RECQL4: variants seen among roughly 807,000 people sequenced by gnomAD.
RECQL4 encodes the protein RecQ like helicase 4, also known as ATP-dependent DNA helicase Q4.
RECQL4 carries 158 observed loss-of-function variants against 128.6 expected under a neutral mutation model. That is an observed-to-expected ratio of 1.23 (90% confidence interval 1.08 to 1.40). The LOEUF is 1.40. Among genes scored for constraint, RECQL4 ranks in the 40% most tolerant of loss-of-function variants. RECQL4 has a pLI of 0.00. For synonymous variants in RECQL4, 996 were observed against 678.9 expected, an observed-to-expected ratio of 1.47 and a Z score of -7.26; for missense variants, 2,293 against 1,649.8, an observed-to-expected ratio of 1.39 and a Z score of -6.75.
At position 144,514,274 on chromosome 8, in the gene RECQL4, G is replaced by A. The variant is rs1010524385; in HGVS notation, c.1793C>T (p.Pro598Leu). Residue 598 changes from proline to leucine, a missense_variant, in exon 11 of 21, where the codon CCA (proline) becomes CTA (leucine). Pro to Leu is a moderately conservative substitution (Grantham distance 98). Transcript: ENST00000617875. ...GGLPPAAQLP[P>L]VAFACIDEAH... ...CTCATCAATGCAGGCAAAAGCAACT[G>A]GAGGCAGCTGTGCGGCTGGAGGGAG... 7 of 1,612,028 alleles carry A rather than the reference G, an allele frequency of 4.3e-6. No individual in the cohort carries two copies. Among genetic ancestry groups the A allele is most frequent in the African/African-American group, 1.3e-5 (1 of 75,010 alleles).
Position 144,516,536 on chromosome 8 carries a change from G to A in RECQL4, c.583C>T (p.His195Tyr). Residue 195 changes from histidine to tyrosine, a missense_variant, in exon 5 of 21, where the codon CAC (histidine) becomes TAC (tyrosine). Coordinates refer to ENST00000617875, the MANE Select transcript of RECQL4 (RefSeq NM_004260.4). ...CCCAGAAAATCTGGGACCTCACTGTGACATCGCTGTAACCAGCCAGGATCT... is the reference window on the plus strand; with the variant it reads ...CCCAGAAAATCTGGGACCTCACTGTAACATCGCTGTAACCAGCCAGGATCT... ...SLDPGWLQRCHSEVPDFLGAP... is the reference protein window; with the variant it reads ...SLDPGWLQRCYSEVPDFLGAP... 1 of 1,610,056 alleles carries A rather than the reference G, an allele frequency of 6.2e-7. No individual in the cohort carries two copies. The highest frequency in any genetic ancestry group is 2.2e-5 in the East Asian group (1 of 44,846).
At chr8:144,512,800 C>T (rs762380845) in intron 15 of RECQL4, 29 bp from the exon 16 acceptor site, 50 of 1,610,090 alleles carry the variant, frequency 3.1e-5, no homozygotes, top group South Asian at 1.8e-4. Flanking sequence ...TCAGCGGACG[C>T]GGGGACAGCC....
chr8:144,517,126 G>A lies in RECQL4; in HGVS notation c.278C>T (p.Thr93Met), dbSNP rs754149435. The part of the protein sequence containing the change: ...NRAATKSPQS[T>M]PGRSRQGSVP... Reference sequence around the variant, plus strand: ...CGAGCCCTGGCGGCTCCGCCCTGGCGTAGACTGTGGACTCTTGGTCGCAGC... The same window carrying A: ...CGAGCCCTGGCGGCTCCGCCCTGGCATAGACTGTGGACTCTTGGTCGCAGC... Residue 93 changes from threonine (T) to methionine (M), a missense_variant, in exon 4 of 21, where the codon ACG becomes ATG. Transcript: ENST00000617875. The A allele has an allele frequency of 8.7e-6, 14 of 1,612,054 alleles. No homozygotes were observed. The highest frequency in any genetic ancestry group is 5.0e-5 in the Admixed American group (3 of 59,948).
chr8:144,517,409 G>T lies in RECQL4; in HGVS notation c.213+5C>A, dbSNP rs1471343913. 6.4e-7 allele frequency: 1 copy of T among 1,566,594 alleles called. No homozygotes were observed. The highest frequency in any genetic ancestry group is 1.8e-5 in the Admixed American group (1 of 54,556). On this transcript the variant is annotated splice_donor_5th_base_variant and intron_variant, in intron 3 of 20. Coordinates refer to ENST00000617875, the MANE Select transcript of RECQL4 (RefSeq NM_004260.4). ...GAGGAGGCTGGGGCGGCGGGGCCTG[G>T]GTACCTCTTCGGCCGCCGCGGGGAG...
intron 14 of RECQL4, 38 bp downstream of exon 14, chr8:144,513,180 G>A (rs760886823): frequency 2.7e-6 from 4 of 1,480,618 alleles, no homozygotes; most frequent in Admixed American, 3.6e-5. Flanking sequence ...ACCACTGGGG[G>A]CTCGAGCACT....
At chr8:144,516,913 G>T in intron 4 of RECQL4, 137 bp downstream of exon 4, 1 of 1,412,274 alleles carries the variant, frequency 7.1e-7, no homozygotes, top group South Asian at 1.4e-5. Flanking sequence ...CGAAGGCCCC[G>T]AGAAGCTCCC....
rs746670713 is a variant in RECQL4 at position 144,513,124 on chromosome 8, T to C, written c.2478A>G (p.Arg826=). Residue 826 remains arginine, a synonymous_variant, in exon 15 of 21, where the codon CGA becomes CGG. Coordinates refer to ENST00000617875, the MANE Select transcript of RECQL4 (RefSeq NM_004260.4). ...LFLQPQGEDL[R]ELRRHVHADS... ...CGGCGTGCACATGTCTGCGCAGCTC[T>C]CGCAGGTCTTCGCCCTGCAGGGCAA... 2 of 1,498,760 alleles carry C rather than the reference T, an allele frequency of 1.3e-6. No individual in the cohort carries two copies. Among genetic ancestry groups the C allele is most frequent in the Non-Finnish European group, 1.8e-6 (2 of 1,114,700 alleles). 92.8% of individuals were successfully genotyped at this position (1,498,760 alleles called of 1,614,324 possible).
rs756397882 is a variant in RECQL4 at position 144,516,374 on chromosome 8, C to A, written c.745G>T (p.Val249Leu). The change falls in exon 5 of 21, where the codon GTG (valine) becomes TTG (leucine). Residue 249 changes from valine (V) to leucine (L), a missense_variant. Transcript: ENST00000617875. ...ASAFQEVSIR[V>L]GSPQPSSSGG... is the part of the protein sequence containing the mutation. Reference sequence around the variant, plus strand: ...CTGCTGCTGGGCTGGGGGCTCCCCACACGGATGCTGACTTCTTGGAAGGCT... The same window carrying A: ...CTGCTGCTGGGCTGGGGGCTCCCCAAACGGATGCTGACTTCTTGGAAGGCT... 26 of 1,610,244 alleles carry A rather than the reference C, an allele frequency of 1.6e-5. No individual in the cohort carries two copies. The highest frequency in any genetic ancestry group is 2.1e-5 in the Non-Finnish European group (25 of 1,179,736).
rs777837612 is a variant in RECQL4 at position 144,517,461 on chromosome 8, C to A, written c.166G>T (p.Gly56Cys). ...GACTCGGAGCTGCGGAGCCCGCCGC[C>A]GGCCTGGCCCGTGGTACGCTTCAGA... ...RTLKRTTGQA[G>C]GGLRSSESLP... The change falls in exon 3 of 21, where the codon GGC becomes TGC. Residue 56 changes from glycine to cysteine, a missense_variant. By Grantham distance (159) the Gly-to-Cys change is radical (BLOSUM62 -3). Transcript: ENST00000617875. The A allele has an allele frequency of 1.9e-6, 3 of 1,595,404 alleles. No individual in the cohort carries two copies. Among genetic ancestry groups the A allele is most frequent in the Non-Finnish European group, 8.5e-7 (1 of 1,175,584 alleles).
chr8:144,517,473 TG>T lies in RECQL4; in HGVS notation c.153del (p.Thr52ArgfsTer31). ...CGGAGCCCGCCGCCGGCCTGGCCCG[TG>T]GTACGCTTCAGAGTGCGGTATTCCC... The part of the protein sequence containing the change: ...LYREYRTLKR[T>X]TGQAGGGLRS... On this transcript the variant is annotated frameshift_variant, in exon 3 of 21. Coordinates refer to ENST00000617875, the MANE Select transcript of RECQL4 (RefSeq NM_004260.4). LOFTEE classifies it high-confidence loss of function. The T allele has an allele frequency of 6.3e-7, 1 of 1,596,774 alleles. No individual in the cohort carries two copies.
At position 144,514,060 on chromosome 8, in the gene RECQL4, G is replaced by A. The variant is rs2130692131; in HGVS notation, c.1926C>T (p.Ala642=). The stretch of plus-strand genomic sequence containing the variant: ...CACTGGCAGTGCGGCGTGTGGCTGT[G>A]GCTGTGAGGCCCAGGAAGCAGTGCA... The part of the protein sequence containing the change: ...MGVHCFLGLT[A]TATRRTASDV... Residue 642 remains alanine (A), a synonymous_variant, in exon 12 of 21, where the codon GCC becomes GCT. Transcript: ENST00000617875. 6.3e-7 allele frequency: 1 copy of A among 1,587,220 alleles called. No individual in the cohort carries two copies. Among genetic ancestry groups the A allele is most frequent in the Non-Finnish European group, 8.6e-7 (1 of 1,167,994 alleles).
Position 144,513,260 on chromosome 8 carries a change from ACGCCCGGCC to A in RECQL4, c.2412_2420del (p.Ala805_Arg807del), listed in dbSNP as rs766312203. ...GGTGGCAGTGGGCAGGCTGCCCGTC[ACGCCCGGCC>A]CGGCCCACGGCCTGCACGTAGCTCT... is the stretch of plus-strand genomic sequence containing the variant. On this transcript the variant is annotated inframe_deletion, in exon 14 of 21. Transcript: ENST00000617875. 5.6e-5 allele frequency: 89 copies of A among 1,590,896 alleles called. No individual in the cohort carries two copies. In the African/African-American group the frequency reaches 9.4e-4, roughly 17 times the overall value.
rs747577031 is a variant in RECQL4 at position 144,513,368 on chromosome 8, C to T, written c.2313G>A (p.Thr771=). Residue 771 remains threonine, a synonymous_variant, in exon 14 of 21, where the codon ACG becomes ACA. Coordinates refer to ENST00000617875, the MANE Select transcript of RECQL4 (RefSeq NM_004260.4). Reference sequence around the variant, plus strand: ...GGTCCAGCCCCATCCCAAAGGCCACCGTGGCCACCACCACCCGCAACTGGC... The same window carrying T: ...GGTCCAGCCCCATCCCAAAGGCCACTGTGGCCACCACCACCCGCAACTGGC... The part of the protein sequence containing the change: ...MQGQLRVVVA[T]VAFGMGLDRP... 6.8e-6 allele frequency: 11 copies of T among 1,606,672 alleles called. No homozygotes were observed. Among genetic ancestry groups the T allele is most frequent in the East Asian group, 6.7e-5 (3 of 44,880 alleles).
rs1472922897 is a variant in RECQL4, at chr8:144,515,219, C to T, written c.1414G>A (p.Ala472Thr). The T allele has an allele frequency of 2.5e-6, 4 of 1,578,810 alleles. No individual in the cohort carries two copies. In the East Asian group the frequency reaches 7.0e-5, roughly 28 times the overall value. Reference protein sequence around the residue: ...LAETPAEVFQALEQLGHQAFR... With the variant: ...LAETPAEVFQTLEQLGHQAFR... Reference sequence around the variant, plus strand: ...GCTTGGTGCCCCAGCTGCTCCAGGGCCTGGAACACCTCAGCCGGCGTCTCT... The same window carrying T: ...GCTTGGTGCCCCAGCTGCTCCAGGGTCTGGAACACCTCAGCCGGCGTCTCT... Residue 472 changes from alanine (A) to threonine (T), a missense_variant, in exon 8 of 21, where the codon GCC (alanine) becomes ACC (threonine). Physicochemically the swap from Ala to Thr is moderately conservative, Grantham distance 58. Coordinates refer to ENST00000617875, the MANE Select transcript of RECQL4 (RefSeq NM_004260.4).
rs376587038 is a variant in RECQL4 at position 144,515,063 on chromosome 8, G to A, written c.1493C>T (p.Thr498Met). Residue 498 changes from threonine to methionine, a missense_variant, in exon 9 of 21, where the codon ACG becomes ATG. Transcript: ENST00000617875. ...AVMRILSGIS[T>M]LLVLPTGAGK... The stretch of plus-strand genomic sequence containing the variant: ...GGCACCTGTAGGCAGCACCAGCAGC[G>A]TGGAGATGCCTGGATGGGGCGGGAG... 8.7e-6 allele frequency: 14 copies of A among 1,607,362 alleles called. No homozygotes were observed. The highest frequency in any genetic ancestry group is 5.1e-5 in the Admixed American group (3 of 59,170).
In RECQL4 at chr8:144,515,218, G is replaced by A. The variant is rs587778653; in HGVS notation, c.1415C>T (p.Ala472Val). The A allele has an allele frequency of 1.8e-5, 29 of 1,578,402 alleles. No homozygotes were observed. Among genetic ancestry groups the A allele is most frequent in the Middle Eastern group, 1.7e-4 (1 of 6,050 alleles). Residue 472 changes from alanine to valine, a missense_variant, in exon 8 of 21, where the codon GCC (alanine) becomes GTC (valine). Physicochemically the swap from Ala to Val is moderately conservative, Grantham distance 64 (BLOSUM62 0). Coordinates refer to ENST00000617875, the MANE Select transcript of RECQL4 (RefSeq NM_004260.4). The stretch of plus-strand genomic sequence containing the variant: ...GGCTTGGTGCCCCAGCTGCTCCAGG[G>A]CCTGGAACACCTCAGCCGGCGTCTC... Reference protein sequence around the residue: ...LAETPAEVFQALEQLGHQAFR... With the variant: ...LAETPAEVFQVLEQLGHQAFR...
rs878854639 is a variant in RECQL4, at chr8:144,516,071, T to C, written c.1048A>G (p.Arg350Gly). Residue 350 changes from arginine (R) to glycine (G), a missense_variant, in exon 5 of 21, where the codon AGG (arginine) becomes GGG (glycine). By Grantham distance (125) the Arg-to-Gly change is moderately radical. Transcript: ENST00000617875. ...ATGTTGAGCCGTACGTAATTGCCCC[T>C]GTCATGGCGGGCCAGCCGAGGGAAG... ...HIFPRLARHD[R>G]GNYVRLNMKQ... 2.7e-5 allele frequency: 44 copies of C among 1,612,226 alleles called. No individual in the cohort carries two copies. The highest frequency in any genetic ancestry group is 3.6e-5 in the Non-Finnish European group (42 of 1,179,520).
At position 144,512,665 on chromosome 8, in the gene RECQL4, G is replaced by T; in HGVS notation, c.2862C>A (p.Ala954=). 6.2e-7 allele frequency: 1 copy of T among 1,612,586 alleles called. No homozygotes were observed. The highest frequency in any genetic ancestry group is 8.5e-7 in the Non-Finnish European group (1 of 1,179,808). Residue 954 remains alanine (A), a synonymous_variant, in exon 16 of 21, where the codon GCC becomes GCA. Coordinates refer to ENST00000617875, the MANE Select transcript of RECQL4 (RefSeq NM_004260.4). ...HCRLNCPGGP[A]QLQALAHRCP... ...ACCTGTGGGCCAGGGCCTGGAGCTG[G>T]GCAGGGCCCCCAGGGCAGTTCAGAC...
In RECQL4 at chr8:144,516,816, G is replaced by A. The variant is rs981887473; in HGVS notation, c.355-52C>T. The A allele has an allele frequency of 1.1e-5, 17 of 1,492,362 alleles. No individual in the cohort carries two copies. In the African/African-American group the frequency reaches 1.5e-4, roughly 14 times the overall value. 92.4% of individuals were successfully genotyped at this position (1,492,362 alleles called of 1,614,324 possible). ...GAGGAACTCAGGCCCCTGAGCTACT[G>A]TAGACTCTAAAACCTACCTGAGTCC... On this transcript the variant is annotated intron_variant, in intron 4 of 20. Coordinates refer to ENST00000617875, the MANE Select transcript of RECQL4 (RefSeq NM_004260.4).
Sources: allele counts gnomAD v4.1 joint callset, GRCh38; gene constraint gnomAD v4.1.1; transcripts MANE v1.5; gene names NCBI Gene and HGNC (gene_info 2026-07-23, HGNC 2026-07-21).